The following AKT3 variants were observed in gnomAD, a reference collection of about 807,000 sequenced individuals.
AKT3 encodes RAC-gamma serine/threonine-protein kinase.
Under a neutral mutation model 65.3 loss-of-function variants are expected in AKT3, and 15 were observed. The ratio of observed to expected loss-of-function variants is 0.23; its 90% CI spans 0.15 to 0.35. The LOEUF (loss-of-function observed/expected upper bound fraction) is 0.35, where lower values mean the gene tolerates loss of function less well. Among genes scored for constraint, AKT3 ranks in the 10% least tolerant of loss-of-function variants. The pLI is 1.00. For missense variants in AKT3, 243 were observed against 576.5 expected, an observed-to-expected ratio of 0.42 and a Z score of 5.92; for synonymous variants, 206 against 183.8, an observed-to-expected ratio of 1.12 and a Z score of -0.98.
intron 2 of AKT3, among the ~76,000 whole-genome samples, chr1:243,727,431 T>A (rs1687279468): frequency 6.6e-6 from 1 of 152,014 alleles, no homozygotes; most frequent in African/African-American, 2.4e-5. Flanking sequence ...AGGCATGCAC[T>A]ACCATGCGTG....
At chr1:243,598,089 A>T (rs1240267666) in intron 8 of AKT3, among the ~76,000 whole-genome samples, 1 of 152,210 alleles carries the variant, frequency 6.6e-6, no homozygotes, top group Admixed American at 6.5e-5. Context: ...AAATGAGAAA[A>T]TTATGACAGT....
At chr1:243,788,450 C>T (rs970076526) in intron 2 of AKT3, among the ~76,000 whole-genome samples, 3 of 152,096 alleles carry the variant, frequency 2.0e-5, no homozygotes, top group African/African-American at 7.2e-5. Flanking sequence ...GGGACTGATT[C>T]CGGGACCCAC....
intron 2 of AKT3, among the ~76,000 whole-genome samples, chr1:243,836,613 A>C (rs949737015): frequency 3.9e-5 from 6 of 152,186 alleles, no homozygotes; most frequent in African/African-American, 1.4e-4. Flanking sequence ...ATCATTTAAA[A>C]AATCATTAAA....
chr1:243,772,450 T>C (rs1690250338), intron 2 of AKT3, among the ~76,000 whole-genome samples: 1 of 152,210 alleles, frequency 6.6e-6, no homozygotes. Context: ...TCTTCATCAC[T>C]GGCCATCAGA....
chr1:243,502,745 T>A lies in AKT3; in HGVS notation c.*2504A>T, dbSNP rs1300519019. ...ACCAATGGAGTCTCAGAGGGTGGAA[T>A]AGAAGTGACTGAGCCCCAGGCATGG... On this transcript the variant is annotated 3_prime_UTR_variant, in exon 14 of 14. Transcript: ENST00000673466. 8.6e-6 allele frequency: 2 copies of A among 233,160 alleles called. No homozygotes were observed. The highest frequency in any genetic ancestry group is 6.0e-5 in the East Asian group (1 of 16,604). The allele number at this position is 233,160 out of a possible 1,614,324, so 14.4% of individuals were successfully genotyped here.
intron 8 of AKT3, among the ~76,000 whole-genome samples, chr1:243,608,743 CTTTTTTTTTTTT>C (rs566574203): frequency 1.4e-5 from 1 of 70,806 alleles, no homozygotes; most frequent in African/African-American, 6.5e-5. Flanking sequence ...AAGTTTTTTG[CTTTTTTTTTTTT>C]TTTTTTTTTT....
intron 8 of AKT3, among the ~76,000 whole-genome samples, chr1:243,610,018 T>C (rs1025839690): frequency 6.6e-6 from 1 of 152,170 alleles, no homozygotes; most frequent in African/African-American, 2.4e-5. Flanking sequence ...CAGTAGACTA[T>C]AAACTCTTTG....
intron 2 of AKT3, among the ~76,000 whole-genome samples, chr1:243,823,713 G>T (rs1324484219): frequency 2.0e-5 from 3 of 152,122 alleles, no homozygotes; most frequent in Non-Finnish European, 4.4e-5. Context: ...GAGCTAACAA[G>T]GGAAGTGAAG....
Position 243,586,454 on chromosome 1 carries a change from T to C in AKT3, c.697-13406A>G, listed in dbSNP as rs114951007. Among the ~76,000 whole-genome samples, 766 of 152,322 alleles carry C rather than the reference T, an allele frequency of 5.0e-3. 10 individuals carry two copies. The highest frequency in any genetic ancestry group is 0.017 in the African/African-American group (718 of 41,560). On this transcript the variant is annotated intron_variant, in intron 8 of 13. Transcript: ENST00000673466. ...GTAGACACAGGCACTTGCATGTTCATTGCAGAACTATTCACAACAGCAAAG... is the reference window on the plus strand; with the variant it reads ...GTAGACACAGGCACTTGCATGTTCACTGCAGAACTATTCACAACAGCAAAG...
rs1211678191 is a variant in AKT3 at position 243,500,501 on chromosome 1, C to T, written c.*4748G>A. ...TTAGAGTATATCAAATATCTGTACA[C>T]AGATAATTATTTGTCTAAAATAGTA... is the stretch of plus-strand genomic sequence containing the variant. On this transcript the variant is annotated 3_prime_UTR_variant, in exon 14 of 14. Coordinates refer to ENST00000673466, the MANE Select transcript of AKT3 (RefSeq NM_005465.7). The T allele has an allele frequency of 2.7e-5, 6 of 226,232 alleles. No individual in the cohort carries two copies. The highest frequency in any genetic ancestry group is 4.4e-5 in the Non-Finnish European group (5 of 113,956). The allele number at this position is 226,232 out of a possible 1,614,324, so 14.0% of individuals were successfully genotyped here. A position where few individuals can be genotyped will look rare whatever the true frequency, so the allele number is the denominator to read the frequency against.
intron 4 of AKT3, among the ~76,000 whole-genome samples, chr1:243,655,443 T>C (rs1027992772): frequency 9.9e-5 from 15 of 152,100 alleles, no homozygotes; most frequent in Non-Finnish European, 1.6e-4. Flanking sequence ...TATGATTCTA[T>C]TGTCTGTTTT....
chr1:243,637,751 T>C lies in AKT3; in HGVS notation c.430-9A>G. On this transcript the variant is annotated splice_polypyrimidine_tract_variant and intron_variant, in intron 5 of 13. Coordinates refer to ENST00000673466, the MANE Select transcript of AKT3 (RefSeq NM_005465.7). ...TCAAAATCATTCATTGTCTGAAAAA[T>C]ACAAATTAAAAAATATAATATGAAG... 1.3e-6 allele frequency: 2 copies of C among 1,502,148 alleles called. No individual in the cohort carries two copies. The highest frequency in any genetic ancestry group is 4.6e-5 in the East Asian group (2 of 43,566). 93.1% of individuals were successfully genotyped at this position (1,502,148 alleles called of 1,614,324 possible). A position where few individuals can be genotyped will look rare whatever the true frequency, so the allele number is the denominator to read the frequency against.
At chr1:243,759,270 G>A (rs1403611444) in intron 2 of AKT3, among the ~76,000 whole-genome samples, 2 of 151,842 alleles carry the variant, frequency 1.3e-5, no homozygotes, top group Non-Finnish European at 2.9e-5. Context: ...AGCTATGATC[G>A]GACCACTGCA....
intron 12 of AKT3, among the ~76,000 whole-genome samples, chr1:243,538,420 T>C (rs1672077049): frequency 6.6e-6 from 1 of 151,776 alleles, no homozygotes; most frequent in Non-Finnish European, 1.5e-5. Flanking sequence ...AGCAAGATTG[T>C]ATATTTAAAC....
At chr1:243,784,533 A>T (rs2148318905) in intron 2 of AKT3, among the ~76,000 whole-genome samples, 1 of 152,346 alleles carries the variant, frequency 6.6e-6, no homozygotes, top group East Asian at 1.9e-4. Context: ...ATTTTTAGAA[A>T]CTGCCAATCA....
rs577041595 is a variant in AKT3 at position 243,700,952 on chromosome 1, GAC to G, written c.47-5238_47-5237del. On this transcript the variant is annotated intron_variant, in intron 2 of 13. Coordinates refer to ENST00000673466, the MANE Select transcript of AKT3 (RefSeq NM_005465.7). ...TCAAACCAGAGCTCACCAAAAAGTTGACAGTGTTCACTTCCTACCATTCACCT... is the reference window on the plus strand; with the variant it reads ...TCAAACCAGAGCTCACCAAAAAGTTGAGTGTTCACTTCCTACCATTCACCT... Among the ~76,000 whole-genome samples the G allele has an allele frequency of 1.5e-3, 228 of 152,248 alleles. 1 individual carries two copies. The highest frequency in any genetic ancestry group is 5.3e-3 in the African/African-American group (220 of 41,530).
At chr1:243,642,341 G>C (rs371279919) in intron 5 of AKT3, among the ~76,000 whole-genome samples, 1 of 152,104 alleles carries the variant, frequency 6.6e-6, no homozygotes, top group Non-Finnish European at 1.5e-5. Flanking sequence ...ACGGAGTCTC[G>C]CTCTGTCGCC....
chr1:243,619,326 A>T (rs536876428), intron 6 of AKT3, among the ~76,000 whole-genome samples: 18 of 152,248 alleles, frequency 1.2e-4, no homozygotes, highest in Middle Eastern at 3.4e-3. Context: ...GGGGATATTC[A>T]TCACCTCCAA....
intron 10 of AKT3, among the ~76,000 whole-genome samples, chr1:243,556,576 T>TG (rs1411583278): frequency 6.6e-6 from 1 of 151,888 alleles, no homozygotes; most frequent in Non-Finnish European, 1.5e-5. Context: ...ACAGAACAGA[T>TG]GGGGGAAAAA....
Sources: allele counts gnomAD v4.1 joint callset (sites outside exome capture counted in the v4.1 genomes callset), GRCh38; gene constraint gnomAD v4.1.1; transcripts MANE v1.5; gene names NCBI Gene and HGNC (gene_info 2026-07-23, HGNC 2026-07-21).